The following SEPTIN7 variants were observed in gnomAD, a reference collection of about 807,000 sequenced individuals.
SEPTIN7 encodes septin-7.
In SEPTIN7, 10 loss-of-function variants were observed where a neutral mutation model predicts 63.3. The ratio of observed to expected loss-of-function variants is 0.16; its 90% confidence interval spans 0.10 to 0.27. The LOEUF is 0.27. SEPTIN7 is among the 10% of genes least tolerant of loss of function. The pLI is 1.00. For missense variants in SEPTIN7, 310 were observed against 521.0 expected, an observed-to-expected ratio of 0.59 and a Z score of 3.94; for synonymous variants, 131 against 165.3, an observed-to-expected ratio of 0.79 and a Z score of 1.59.
At chr7:35,900,828 A>G (rs1308983739) in intron 12 of SEPTIN7, 2 of 152,210 alleles carry the variant, frequency 1.3e-5, no homozygotes, top group Non-Finnish European at 2.9e-5. Context: ...TGGAATGTTA[A>G]CATTTCAAGG....
intron 4 of SEPTIN7, among the ~76,000 whole-genome samples, chr7:35,869,172 G>A (rs1785993902): frequency 6.6e-6 from 1 of 152,140 alleles, no homozygotes; most frequent in African/African-American, 2.4e-5. Context: ...AGGGGCAAGG[G>A]ATTTGAGGTC....
chr7:35,850,353 T>C (rs1784900803), intron 3 of SEPTIN7, among the ~76,000 whole-genome samples: 1 of 152,112 alleles, frequency 6.6e-6, no homozygotes, highest in Non-Finnish European at 1.5e-5. Flanking sequence ...TTGAACAAAA[T>C]TGATTTCAAA....
At chr7:35,900,339 C>T (rs1788243590) in intron 12 of SEPTIN7, 1 of 152,218 alleles carries the variant, frequency 6.6e-6, no homozygotes, top group Non-Finnish European at 1.5e-5. Context: ...GGATTAGCAT[C>T]CCTGGCACTG....
intron 2 of SEPTIN7, among the ~76,000 whole-genome samples, chr7:35,832,422 C>A (rs1423436044): frequency 6.6e-6 from 1 of 151,986 alleles, no homozygotes; most frequent in African/African-American, 2.4e-5. Context: ...AAAAAGGATT[C>A]TTAATATGAT....
chr7:35,871,495 C>G (rs776798452), intron 4 of SEPTIN7, among the ~76,000 whole-genome samples: 2 of 152,190 alleles, frequency 1.3e-5, no homozygotes, highest in African/African-American at 4.8e-5. Flanking sequence ...AGTTGCTGCT[C>G]ATAATAGTTG....
chr7:35,835,088 A>T (rs1302373704), intron 3 of SEPTIN7, among the ~76,000 whole-genome samples: 1 of 152,174 alleles, frequency 6.6e-6, no homozygotes, highest in African/African-American at 2.4e-5. Flanking sequence ...CATGCTGTGT[A>T]TTCCCATATT....
chr7:35,828,986 C>T (rs991264450), intron 1 of SEPTIN7, among the ~76,000 whole-genome samples: 6 of 152,100 alleles, frequency 3.9e-5, no homozygotes, highest in African/African-American at 1.4e-4. Context: ...TAGTGTCTTC[C>T]TATCATGCCT....
chr7:35,915,168 TAC>T, the SEPTIN7 span, among the ~76,000 whole-genome samples: 3 of 151,998 alleles, frequency 2.0e-5, no homozygotes, highest in South Asian at 2.1e-4. Flanking sequence ...TACATATATA[TAC>T]ACACATATAC....
At position 35,801,192 on chromosome 7, in the gene SEPTIN7, C is replaced by G. The variant is rs1186597445; in HGVS notation, c.-18C>G. 9 of 1,489,380 alleles carry G rather than the reference C, an allele frequency of 6.0e-6. No individual in the cohort carries two copies. Among genetic ancestry groups the G allele is most frequent in the Non-Finnish European group, 8.1e-6 (9 of 1,117,388 alleles). The allele number at this position is 1,489,380 out of a possible 1,614,324, so 92.3% of individuals were successfully genotyped here. A position where few individuals can be genotyped will look rare whatever the true frequency, so the allele number is the denominator to read the frequency against. ...CGGGCTGCGCTCCGCTGGGGCTGGT[C>G]GCGGAGGGGGGGAGGGGATGTCGGT... On this transcript the variant is annotated 5_prime_UTR_variant, in exon 1 of 14. Coordinates refer to ENST00000350320, the MANE Select transcript of SEPTIN7 (RefSeq NM_001788.6).
intron 12 of SEPTIN7, chr7:35,902,208 T>C (rs1276952787): frequency 2.0e-5 from 3 of 151,882 alleles, no homozygotes; most frequent in African/African-American, 4.8e-5. Context: ...TTTTTAAAAT[T>C]TGTTGACTTT....
At chr7:35,811,685 G>A (rs1418195026) in intron 1 of SEPTIN7, among the ~76,000 whole-genome samples, 1 of 151,924 alleles carries the variant, frequency 6.6e-6, no homozygotes, top group African/African-American at 2.4e-5. Context: ...TCAGGAGTTC[G>A]AGACCAGTCT....
chr7:35,895,735 T>G (rs779708674), intron 11 of SEPTIN7, among the ~76,000 whole-genome samples: 1 of 152,218 alleles, frequency 6.6e-6, no homozygotes, highest in Non-Finnish European at 1.5e-5. Context: ...ATCACTAATT[T>G]TTTTTCCTTT....
intron 12 of SEPTIN7, chr7:35,900,236 A>T (rs1313086310): frequency 1.3e-5 from 2 of 152,190 alleles, no homozygotes; most frequent in African/African-American, 4.8e-5. Flanking sequence ...GTAATTTCTT[A>T]TTAAAATCTT....
At chr7:35,876,825 C>T (rs1183720107) in intron 6 of SEPTIN7, among the ~76,000 whole-genome samples, 1 of 152,028 alleles carries the variant, frequency 6.6e-6, no homozygotes, top group Non-Finnish European at 1.5e-5. Flanking sequence ...AAAAATTAGC[C>T]AGGCTTGGTG....
intron 3 of SEPTIN7, among the ~76,000 whole-genome samples, chr7:35,853,030 C>A (rs1209446899): frequency 2.0e-5 from 3 of 152,086 alleles, no homozygotes; most frequent in Non-Finnish European, 2.9e-5. Context: ...ATTTGACAAG[C>A]CTTTAATGAC....
chr7:35,862,808 G>C (rs1785581553), intron 3 of SEPTIN7, among the ~76,000 whole-genome samples: 1 of 152,058 alleles, frequency 6.6e-6, no homozygotes, highest in Non-Finnish European at 1.5e-5. Flanking sequence ...TTTAACCTTA[G>C]GTTATATATA....
chr7:35,855,184 G>A (rs1324060589), intron 3 of SEPTIN7, among the ~76,000 whole-genome samples: 1 of 152,040 alleles, frequency 6.6e-6, no homozygotes, highest in African/African-American at 2.4e-5. Flanking sequence ...TTCTGTGAAT[G>A]TGTTTTCCCT....
intron 1 of SEPTIN7, among the ~76,000 whole-genome samples, chr7:35,810,660 C>T (rs1318720246): frequency 6.6e-6 from 1 of 152,018 alleles, no homozygotes; most frequent in Non-Finnish European, 1.5e-5. Context: ...TGGTACGTTT[C>T]ACAGCAGCAG....
chr7:35,906,835 C>G lies in SEPTIN7; in HGVS notation c.*2542C>G, dbSNP rs1788627741. 2 of 152,116 alleles carry G rather than the reference C, an allele frequency of 1.3e-5. No homozygotes were observed. The allele number at this position is 152,116 out of a possible 1,614,324, so 9.4% of individuals were successfully genotyped here. A position where few individuals can be genotyped will look rare whatever the true frequency, so the allele number is the denominator to read the frequency against. ...AATATGTTTTGTCCTCTTGGAGAAA[C>G]TAGGAGTAGAAGTCAGGATATGGTA... On this transcript the variant is annotated 3_prime_UTR_variant, in exon 14 of 14. Transcript: ENST00000350320.
Sources: allele counts gnomAD v4.1 joint callset (sites outside exome capture counted in the v4.1 genomes callset), GRCh38; gene constraint gnomAD v4.1.1; transcripts MANE v1.5; gene names NCBI Gene and HGNC (gene_info 2026-07-23, HGNC 2026-07-21).